The following UCKL1 variants were observed in gnomAD, a reference collection of about 807,000 sequenced individuals.
The protein encoded by UCKL1 is uridine-cytidine kinase-like 1.
A neutral mutation model predicts 59.2 loss-of-function variants in UCKL1; 65 were observed. That is an observed-to-expected ratio of 1.10 (90% CI 0.90 to 1.35). UCKL1 has a LOEUF of 1.35. UCKL1 is among the 40% of genes most tolerant of loss of function. The pLI is 0.00. For missense variants in UCKL1, 703 were observed against 784.3 expected, an observed-to-expected ratio of 0.90 and a Z score of 1.24; for synonymous variants, 410 against 323.1, an observed-to-expected ratio of 1.27 and a Z score of -2.88.
intron 10 of UCKL1, 23 bp downstream of exon 10, chr20:63,940,927 C>T (rs1204004016): frequency 2.0e-6 from 3 of 1,520,250 alleles, no homozygotes; most frequent in Non-Finnish European, 2.6e-6. Context: ...CACCCTCCAC[C>T]TCGCGGGCTA....
rs372448118 is a variant in UCKL1, at chr20:63,939,983, G to A, written c.1640C>T (p.Thr547Met). ...DGSDEEEVAY[T>M]G Reference sequence around the variant, plus strand: ...GGATGGCTCACTGGGCAGCTAACCCGTGTAGGCCACTTCCTCCTCGTCACT... The same window carrying A: ...GGATGGCTCACTGGGCAGCTAACCCATGTAGGCCACTTCCTCCTCGTCACT... The change falls in exon 15 of 15, where the codon ACG becomes ATG. Residue 547 changes from threonine (T) to methionine (M), a missense_variant. Transcript: ENST00000354216. 1.6e-5 allele frequency: 26 copies of A among 1,611,414 alleles called. No individual in the cohort carries two copies. The highest frequency in any genetic ancestry group is 2.0e-5 in the Non-Finnish European group (23 of 1,179,386).
chr20:63,952,126 C>T (rs555074334), intron 1 of UCKL1, among the ~76,000 whole-genome samples: 24 of 152,292 alleles, frequency 1.6e-4, no homozygotes, highest in African/African-American at 3.8e-4. Flanking sequence ...TCCCAGGAGG[C>T]GGCTACATCC....
intron 3 of UCKL1, 88 bp downstream of exon 3, chr20:63,946,073 G>C (rs1454911968): frequency 1.2e-6 from 2 of 1,608,432 alleles, no homozygotes; most frequent in Middle Eastern, 1.7e-4. Flanking sequence ...AGCCACGCTG[G>C]GGCTGAGACC....
chr20:63,956,314 G>A lies in UCKL1; in HGVS notation c.59C>T (p.Ala20Val), dbSNP rs758706773. 1.3e-6 allele frequency: 2 copies of A among 1,557,048 alleles called. No individual in the cohort carries two copies. Among genetic ancestry groups the A allele is most frequent in the South Asian group, 1.2e-5 (1 of 84,880 alleles). ...ADPSPTSPPTARDTPGRQAEK... is the reference protein window; with the variant it reads ...ADPSPTSPPTVRDTPGRQAEK... ...AGCCTGCCGGCCTGGTGTGTCTCGG[G>A]CCGTAGGTGGCGACGTGGGCGAAGG... The change falls in exon 1 of 15, where the codon GCC becomes GTC. Residue 20 changes from alanine to valine, a missense_variant. Ala to Val is a moderately conservative substitution (Grantham distance 64, BLOSUM62 0). Transcript: ENST00000354216.
At chr20:63,950,788 T>A (rs1261504480) in intron 1 of UCKL1, 3 of 1,539,142 alleles carry the variant, frequency 1.9e-6, no homozygotes, top group Non-Finnish European at 2.6e-6. Flanking sequence ...CCCGGCACCC[T>A]GAGATCCTGA....
At position 63,944,702 on chromosome 20, in the gene UCKL1, G is replaced by A. The variant is rs1297350186; in HGVS notation, c.687C>T (p.Asp229=). The A allele has an allele frequency of 1.2e-6, 2 of 1,612,904 alleles. No homozygotes were observed. The highest frequency in any genetic ancestry group is 8.5e-7 in the Non-Finnish European group (1 of 1,179,956). ...GCCGCCGTACCAGGCGGATGTCGGA[G>A]TCTGTGTCCACAAAGATCTTCATGT... ...LLDMKIFVDT[D]SDIRLVRRLR... The change falls in exon 6 of 15, where the codon GAC becomes GAT. Residue 229 remains aspartate, a synonymous_variant. Transcript: ENST00000354216.
intron 1 of UCKL1, chr20:63,948,539 G>A (rs1057422237): frequency 2.2e-5 from 3 of 136,186 alleles, no homozygotes; most frequent in Admixed American, 7.5e-5. Flanking sequence ...ACCGCCATGC[G>A]CCTCGGTGTG....
chr20:63,953,174 G>T (rs550083062), intron 1 of UCKL1, among the ~76,000 whole-genome samples: 2 of 152,196 alleles, frequency 1.3e-5, no homozygotes, highest in Non-Finnish European at 2.9e-5. Context: ...GAGGTTGGGC[G>T]TTTGAGACCA....
rs200251485 is a variant in UCKL1 at position 63,940,003 on chromosome 20, G to C, written c.1620C>G (p.Asp540Glu). 1.2e-4 allele frequency: 195 copies of C among 1,580,786 alleles called. No individual in the cohort carries two copies. The highest frequency in any genetic ancestry group is 2.2e-4 in the Admixed American group (13 of 58,636). The change falls in exon 15 of 15, where the codon GAC becomes GAG. Residue 540 changes from aspartate (D) to glutamate (E), a missense_variant. Asp to Glu is a conservative substitution (Grantham distance 45). Around this residue, in one of 4 missense-constraint regions of UCKL1, gnomAD observed 124 missense variants for 161.1 expected, o/e 0.77. Transcript: ENST00000354216. ...FGTDAVPDGS[D>E]EEEVAYTG ...AACCCGTGTAGGCCACTTCCTCCTC[G>C]TCACTGCCATCGGGGACCGCGTCTG... is the stretch of plus-strand genomic sequence containing the variant.
At chr20:63,948,573 G>GGCGTGTGTGAGAGGA (rs2056897874) in intron 1 of UCKL1, 1 of 75,394 alleles carries the variant, frequency 1.3e-5, no homozygotes, top group Non-Finnish European at 2.9e-5. Flanking sequence ...GTGTGAGAGG[G>GGCGTGTGTGAGAGGA]AGGGGATGTG....
intron 5 of UCKL1, 132 bp from the exon 6 acceptor site, chr20:63,944,866 G>GGTGGGGAGGA: frequency 1.7e-6 from 2 of 1,184,248 alleles, no homozygotes; most frequent in Admixed American, 2.3e-5. Context: ...CACCCTGGCA[G>GGTGGGGAGGA]GTGGGGAGGA....
intron 1 of UCKL1, among the ~76,000 whole-genome samples, chr20:63,950,334 G>A (rs760401150): frequency 4.6e-5 from 7 of 152,180 alleles, no homozygotes; most frequent in Non-Finnish European, 1.0e-4. Flanking sequence ...ACAGTCCTTT[G>A]GAGGCTGCAG....
At chr20:63,948,521 G>A (rs984232643) in intron 1 of UCKL1, 1 of 143,598 alleles carries the variant, frequency 7.0e-6, no homozygotes, top group Non-Finnish European at 1.5e-5. Flanking sequence ...AGGAAACGAA[G>A]GACGCTCACC....
In UCKL1 at chr20:63,946,367, C is replaced by T. The variant is rs1037015323; in HGVS notation, c.304+86G>A. 1.8e-5 allele frequency: 28 copies of T among 1,526,470 alleles called. 1 individual carries two copies. Among genetic ancestry groups the T allele is most frequent in the East Asian group, 9.8e-5 (4 of 40,638 alleles). 94.6% of individuals were successfully genotyped at this position (1,526,470 alleles called of 1,614,324 possible). On this transcript the variant is annotated intron_variant, in intron 2 of 14. Coordinates refer to ENST00000354216, the MANE Select transcript of UCKL1 (RefSeq NM_017859.4). ...CCCGCTGCCGCTGCCTGCGGTTGCC[C>T]GGCTTCCTTCTCCTGCTCCACAGGC...
intron 7 of UCKL1, 86 bp from the exon 8 acceptor site, chr20:63,943,755 G>T: frequency 1.3e-6 from 2 of 1,596,982 alleles, no homozygotes; most frequent in South Asian, 2.2e-5. Flanking sequence ...ACCCAGGAAT[G>T]GACATGCTGC....
chr20:63,948,482 GGA>G (rs1467330399), intron 1 of UCKL1: 2 of 149,994 alleles, frequency 1.3e-5, no homozygotes, highest in African/African-American at 2.5e-5. Context: ...CAAGCTGGAA[GGA>G]GAGATGATTC....
At chr20:63,943,111 C>A (rs2055099660) in intron 8 of UCKL1, among the ~76,000 whole-genome samples, 1 of 152,240 alleles carries the variant, frequency 6.6e-6, no homozygotes, top group Non-Finnish European at 1.5e-5. Context: ...CCCGGCCCAG[C>A]CCAAGCTTCT....
intron 1 of UCKL1, among the ~76,000 whole-genome samples, chr20:63,947,957 C>T (rs2056691775): frequency 6.6e-6 from 1 of 152,158 alleles, no homozygotes; most frequent in South Asian, 2.1e-4. Flanking sequence ...GAGGGGCAGC[C>T]TCTGGGGAGG....
At position 63,940,942 on chromosome 20, in the gene UCKL1, C is replaced by A; in HGVS notation, c.1116+8G>T. ...CACCCTCCACCTCGCGGGCTACGGGCTACGAACCTGAAAGGGCAGGAAGGA... is the reference window on the plus strand; with the variant it reads ...CACCCTCCACCTCGCGGGCTACGGGATACGAACCTGAAAGGGCAGGAAGGA... On this transcript the variant is annotated splice_region_variant and intron_variant, in intron 10 of 14. Transcript: ENST00000354216. The A allele has an allele frequency of 2.0e-6, 3 of 1,522,050 alleles. No individual in the cohort carries two copies. Among genetic ancestry groups the A allele is most frequent in the Non-Finnish European group, 2.6e-6 (3 of 1,133,608 alleles). The allele number at this position is 1,522,050 out of a possible 1,614,324, so 94.3% of individuals were successfully genotyped here. A position where few individuals can be genotyped will look rare whatever the true frequency, so the allele number is the denominator to read the frequency against.
Sources: gnomAD v4.1 joint callset for allele counts (sites outside exome capture counted in the v4.1 genomes callset) on GRCh38, gnomAD v4.1.1 for gene constraint, gnomAD v4.1.1 regional missense constraint, MANE v1.5 for transcripts, NCBI Gene and HGNC (gene_info 2026-07-23, HGNC 2026-07-21) for gene names.